The following SYNDIG1 variants were observed in gnomAD, a reference collection of about 807,000 sequenced individuals.
SYNDIG1 encodes the protein synapse differentiation inducing 1, also known as synapse differentiation-inducing gene protein 1.
SYNDIG1 carries 9 observed loss-of-function variants against 19.4 expected under a neutral mutation model. The ratio of observed to expected loss-of-function variants is 0.46; its 90% CI spans 0.28 to 0.81. The LOEUF (loss-of-function observed/expected upper bound fraction) is 0.81, where lower values mean the gene tolerates loss of function less well. Ranked by LOEUF, SYNDIG1 falls within the 30% of genes least tolerant of loss-of-function variation. SYNDIG1 has a pLI of 0.12. For missense variants in SYNDIG1, 311 were observed against 343.3 expected (o/e 0.91, Z 0.74); for synonymous variants, 141 against 145.9 (o/e 0.97, Z 0.24).
At chr20:24,623,792 G>T (rs898761942) in intron 3 of SYNDIG1, among the ~76,000 whole-genome samples, 4 of 152,090 alleles carry the variant, frequency 2.6e-5, no homozygotes, top group African/African-American at 7.2e-5. Context: ...CAGTAGAGGA[G>T]ATTAAATGGA....
chr20:24,618,090 G>T (rs1196681316), intron 3 of SYNDIG1, among the ~76,000 whole-genome samples: 10 of 141,532 alleles, frequency 7.1e-5, no homozygotes, highest in Admixed American at 5.5e-4. Flanking sequence ...CTCGGGTAGG[G>T]GGGAACCCGG....
chr20:24,529,410 T>C (rs2146608290), intron 1 of SYNDIG1, among the ~76,000 whole-genome samples: 1 of 151,986 alleles, frequency 6.6e-6, no homozygotes, highest in South Asian at 2.1e-4. Flanking sequence ...CAGTAAAATT[T>C]TTCTGTAAAG....
intron 3 of SYNDIG1, among the ~76,000 whole-genome samples, chr20:24,610,309 G>A (rs567948152): frequency 4.7e-4 from 72 of 152,238 alleles, no homozygotes; most frequent in African/African-American, 1.7e-3. Context: ...CATTCCTTTG[G>A]GAATGTCATA....
intron 1 of SYNDIG1, among the ~76,000 whole-genome samples, chr20:24,507,459 T>G (rs563597404): frequency 6.6e-6 from 1 of 152,362 alleles, no homozygotes; most frequent in East Asian, 1.9e-4. Flanking sequence ...GAAGGAGCTG[T>G]GATGAGCTCA....
chr20:24,578,423 C>T (rs2058265100), intron 2 of SYNDIG1, among the ~76,000 whole-genome samples: 1 of 132,942 alleles, frequency 7.5e-6, no homozygotes, highest in Non-Finnish European at 1.5e-5. Flanking sequence ...AGCTGGGAGA[C>T]AGTGCGAGAC....
At chr20:24,576,187 T>A (rs1304527479) in intron 2 of SYNDIG1, among the ~76,000 whole-genome samples, 1 of 152,214 alleles carries the variant, frequency 6.6e-6, no homozygotes, top group Non-Finnish European at 1.5e-5. Flanking sequence ...GGTACATATA[T>A]CCTTGTGACT....
chr20:24,618,088 G>C (rs1431664564), intron 3 of SYNDIG1, among the ~76,000 whole-genome samples: 7 of 143,012 alleles, frequency 4.9e-5, no homozygotes, highest in Non-Finnish European at 1.1e-4. Context: ...AGCTCGGGTA[G>C]GGGGGAACCC....
chr20:24,575,520 T>A (rs1169251337), intron 2 of SYNDIG1, among the ~76,000 whole-genome samples: 1 of 152,234 alleles, frequency 6.6e-6, no homozygotes, highest in African/African-American at 2.4e-5. Flanking sequence ...GGTGTGCACC[T>A]CATTTACAGC....
chr20:24,484,877 T>G (rs929788024), intron 1 of SYNDIG1, among the ~76,000 whole-genome samples: 1 of 152,156 alleles, frequency 6.6e-6, no homozygotes, highest in Non-Finnish European at 1.5e-5. Flanking sequence ...GTGGCAGTGT[T>G]TGGAGGTGGG....
At chr20:24,566,507 G>A (rs907986155) in intron 2 of SYNDIG1, among the ~76,000 whole-genome samples, 2 of 152,188 alleles carry the variant, frequency 1.3e-5, no homozygotes, top group African/African-American at 4.8e-5. Context: ...TGGGTCTAAG[G>A]CGCTGGTGTA....
intron 1 of SYNDIG1, among the ~76,000 whole-genome samples, chr20:24,472,763 C>A (rs941179470): frequency 2.0e-5 from 3 of 152,178 alleles, no homozygotes; most frequent in Non-Finnish European, 4.4e-5. Flanking sequence ...CCTCCACCAG[C>A]CCCCTCCCAT....
At chr20:24,654,662 A>G (rs1600833038) in intron 3 of SYNDIG1, among the ~76,000 whole-genome samples, 1 of 146,878 alleles carries the variant, frequency 6.8e-6, no homozygotes, top group African/African-American at 2.5e-5. Context: ...GGAAGGAAGG[A>G]AGGAAGGAAG....
intron 3 of SYNDIG1, among the ~76,000 whole-genome samples, chr20:24,620,232 C>A (rs1397005212): frequency 6.6e-6 from 1 of 152,204 alleles, no homozygotes; most frequent in Admixed American, 6.5e-5. Context: ...GTGGCATAAA[C>A]AACTTTTTCA....
At chr20:24,601,918 G>A (rs965939623) in intron 3 of SYNDIG1, among the ~76,000 whole-genome samples, 2 of 151,412 alleles carry the variant, frequency 1.3e-5, no homozygotes, top group African/African-American at 2.4e-5. Context: ...TGATCATTAG[G>A]TATAGAATTC....
chr20:24,515,719 C>T (rs2056847072), intron 1 of SYNDIG1, among the ~76,000 whole-genome samples: 1 of 152,168 alleles, frequency 6.6e-6, no homozygotes, highest in African/African-American at 2.4e-5. Context: ...ACATTCCATG[C>T]TCATGGATAG....
At chr20:24,574,021 A>G (rs1162364214) in intron 2 of SYNDIG1, among the ~76,000 whole-genome samples, 2 of 152,180 alleles carry the variant, frequency 1.3e-5, no homozygotes, top group Non-Finnish European at 2.9e-5. Flanking sequence ...CCAGAGAGAT[A>G]ACTCAGAATA....
intron 2 of SYNDIG1, among the ~76,000 whole-genome samples, chr20:24,554,516 G>T (rs1450190170): frequency 1.3e-5 from 2 of 152,160 alleles, no homozygotes; most frequent in Non-Finnish European, 2.9e-5. Flanking sequence ...TAGCATGAAG[G>T]TTGTTGAATT....
intron 2 of SYNDIG1, among the ~76,000 whole-genome samples, chr20:24,568,878 G>C (rs1350235522): frequency 6.6e-6 from 1 of 152,186 alleles, no homozygotes; most frequent in East Asian, 1.9e-4. Context: ...TGTGCCCCCT[G>C]TTCATACATG....
chr20:24,472,894 C>A (rs553535499), intron 1 of SYNDIG1, among the ~76,000 whole-genome samples: 107 of 152,284 alleles, frequency 7.0e-4, no homozygotes, highest in African/African-American at 2.6e-3. Flanking sequence ...TAAAGGTGTC[C>A]TTAGTTAACC....
Sources: allele counts gnomAD v4.1 joint callset (sites outside exome capture counted in the v4.1 genomes callset), GRCh38; gene constraint gnomAD v4.1.1; transcripts MANE v1.5; gene names NCBI Gene and HGNC (gene_info 2026-07-23, HGNC 2026-07-21).